Variants in CSMD3 observed in about 807,000 individuals in gnomAD.
CSMD3 encodes the protein CUB and Sushi multiple domains 3, also known as CUB and sushi domain-containing protein 3.
In CSMD3, 177 loss-of-function variants were observed where a neutral mutation model predicts 435.2. That is an observed-to-expected ratio of 0.41 (90% confidence interval 0.36 to 0.46). The LOEUF (loss-of-function observed/expected upper bound fraction) is 0.46. Ranked by LOEUF, CSMD3 falls within the 20% of genes least tolerant of loss-of-function variation. The probability of loss-of-function intolerance (pLI) is 0.34; values close to 1 mark genes in which losing one functional copy is unlikely to be tolerated. For synonymous variants in CSMD3, 1,656 were observed against 1,520.5 expected (o/e 1.09, Z -2.07); for missense variants, 4,265 against 4,504.6 (o/e 0.95, Z 1.52).
At chr8:112,251,512 A>G (rs1411464254) in intron 63 of CSMD3, among the ~76,000 whole-genome samples, 1 of 151,554 alleles carries the variant, frequency 6.6e-6, no homozygotes, top group African/African-American at 2.4e-5. Context: ...ATTTTTTTTT[A>G]CTTTCAGAAT....
At chr8:112,257,765 G>C (rs1815949298) in intron 61 of CSMD3, among the ~76,000 whole-genome samples, 1 of 152,144 alleles carries the variant, frequency 6.6e-6, no homozygotes, top group East Asian at 1.9e-4. Context: ...TTTCTTCACA[G>C]AATTGGAAAA....
chr8:112,798,411 G>A (rs2078878930), intron 13 of CSMD3, among the ~76,000 whole-genome samples: 1 of 151,828 alleles, frequency 6.6e-6, no homozygotes, highest in Non-Finnish European at 1.5e-5. Flanking sequence ...TTCTGATGCT[G>A]GAAGATTATC....
intron 13 of CSMD3, among the ~76,000 whole-genome samples, chr8:112,787,726 G>A (rs1587294758): frequency 6.6e-6 from 1 of 152,082 alleles, no homozygotes; most frequent in East Asian, 1.9e-4. Context: ...ATTTGTGGAA[G>A]CTAAAAATTG....
At chr8:112,443,700 CA>C (rs1169246857) in intron 32 of CSMD3, among the ~76,000 whole-genome samples, 1 of 151,910 alleles carries the variant, frequency 6.6e-6, no homozygotes, top group Non-Finnish European at 1.5e-5. Context: ...TAAAGTCAGC[CA>C]TATTGATTTC....
intron 68 of CSMD3, among the ~76,000 whole-genome samples, chr8:112,234,120 T>G (rs1813343793): frequency 6.7e-6 from 1 of 149,758 alleles, no homozygotes; most frequent in African/African-American, 2.5e-5. Flanking sequence ...CATCCACCCA[T>G]ACCCTCCCCC....
chr8:112,720,492 C>A (rs1226455270), intron 13 of CSMD3, among the ~76,000 whole-genome samples: 1 of 152,134 alleles, frequency 6.6e-6, no homozygotes, highest in African/African-American at 2.4e-5. Flanking sequence ...AGTTCACCTA[C>A]AAAATGCTCG....
At chr8:112,384,247 A>C (rs916195948) in intron 36 of CSMD3, among the ~76,000 whole-genome samples, 7 of 152,216 alleles carry the variant, frequency 4.6e-5, no homozygotes, top group Non-Finnish European at 8.8e-5. Context: ...TGACACAAAA[A>C]AATGATATTT....
intron 8 of CSMD3, among the ~76,000 whole-genome samples, chr8:112,948,631 G>A (rs2083696157): frequency 6.6e-6 from 1 of 151,884 alleles, no homozygotes; most frequent in Non-Finnish European, 1.5e-5. Flanking sequence ...ATATCTGAGT[G>A]ATATTGTTTA....
At chr8:112,899,538 A>T (rs918783243) in intron 10 of CSMD3, among the ~76,000 whole-genome samples, 1 of 143,186 alleles carries the variant, frequency 7.0e-6, no homozygotes, top group African/African-American at 2.5e-5. Context: ...ATAGAAATAT[A>T]CTATATATAT....
At chr8:112,518,290 C>T (rs371803696) in intron 27 of CSMD3, among the ~76,000 whole-genome samples, 56 of 151,658 alleles carry the variant, frequency 3.7e-4, no homozygotes, top group African/African-American at 1.3e-3. Context: ...TTCTAAATCC[C>T]AGGAGTTTGA....
At position 112,686,080 on chromosome 8, in the gene CSMD3, C is replaced by A. The variant is rs541282985; in HGVS notation, c.2156-348G>T. ...AGTTCCCATAGAAAGCAATAAGGTT[C>A]TTGAAATGATTGAAGACAAAAAATA... On this transcript the variant is annotated intron_variant, in intron 14 of 70. Transcript: ENST00000297405. 1.0e-3 allele frequency among the ~76,000 whole-genome samples: 156 copies of A among 152,156 alleles called. 1 individual carries two copies. The highest frequency in any genetic ancestry group is 1.7e-3 in the Non-Finnish European group (116 of 67,982).
rs1041715144 is a variant in CSMD3, at chr8:113,148,264, A to G, written c.709+25458T>C. Among the ~76,000 whole-genome samples, 5 of 151,744 alleles carry G rather than the reference A, an allele frequency of 3.3e-5. No individual in the cohort carries two copies. In the East Asian group the frequency reaches 9.8e-4, roughly 30 times the overall value. On this transcript the variant is annotated intron_variant, in intron 4 of 70. Coordinates refer to ENST00000297405, the MANE Select transcript of CSMD3 (RefSeq NM_198123.2). ...CACATCTTTATTCCATCTGCTTAAA[A>G]TGCTCTCTTTATGACCCTACCTCCC...
chr8:112,625,240 T>C (rs1198702583), intron 22 of CSMD3, among the ~76,000 whole-genome samples: 1 of 152,100 alleles, frequency 6.6e-6, no homozygotes, highest in African/African-American at 2.4e-5. Context: ...TAACCTACTT[T>C]ACCTTTTATA....
intron 7 of CSMD3, among the ~76,000 whole-genome samples, chr8:112,970,065 C>T (rs879619222): frequency 1.2e-4 from 18 of 151,882 alleles, no homozygotes; most frequent in Non-Finnish European, 2.5e-4. Context: ...CAGTTTCTGC[C>T]AGTCCATAAT....
chr8:112,489,985 T>C lies in CSMD3; in HGVS notation c.5278+2504A>G, dbSNP rs1045690190. 2.6e-5 allele frequency among the ~76,000 whole-genome samples: 4 copies of C among 152,278 alleles called. No individual in the cohort carries two copies. The East Asian group carries it at 7.7e-4, about 29-fold the overall frequency. ...GTGTGTATTCACATCATAATATAGA[T>C]AAATTATTTTTAATTAATATTAAAA... On this transcript the variant is annotated intron_variant, in intron 31 of 70. Transcript: ENST00000297405.
chr8:112,561,056 C>T (rs1201050696), intron 24 of CSMD3, among the ~76,000 whole-genome samples: 1 of 151,582 alleles, frequency 6.6e-6, no homozygotes, highest in African/African-American at 2.4e-5. Context: ...TAATATTTTG[C>T]ATTGTAGCTG....
At chr8:113,425,777 A>G (rs1232701495) in intron 1 of CSMD3, among the ~76,000 whole-genome samples, 2 of 151,616 alleles carry the variant, frequency 1.3e-5, no homozygotes, top group African/African-American at 4.8e-5. Context: ...AATTCAATAC[A>G]GGTAATTATG....
At position 112,502,194 on chromosome 8, in the gene CSMD3, T is replaced by A. The variant is rs534452614; in HGVS notation, c.5083+1596A>T. Reference sequence around the variant, plus strand: ...AGAGTGGTGTTGTGGTCAAGCTCACTCTCTCTAAAAGAGTTTCGAACCCAT... The same window carrying A: ...AGAGTGGTGTTGTGGTCAAGCTCACACTCTCTAAAAGAGTTTCGAACCCAT... On this transcript the variant is annotated intron_variant, in intron 30 of 70. Coordinates refer to ENST00000297405, the MANE Select transcript of CSMD3 (RefSeq NM_198123.2). Among the ~76,000 whole-genome samples the A allele has an allele frequency of 2.9e-4, 44 of 152,228 alleles. 1 individual carries two copies. In the South Asian group the frequency reaches 8.7e-3, roughly 30 times the overall value.
intron 27 of CSMD3, among the ~76,000 whole-genome samples, chr8:112,532,802 T>G (rs1024579561): frequency 2.0e-5 from 3 of 152,118 alleles, no homozygotes; most frequent in Non-Finnish European, 4.4e-5. Context: ...ATTCAGAATA[T>G]TCTAATACTG....
Sources: gnomAD v4.1 joint callset for allele counts (sites outside exome capture counted in the v4.1 genomes callset) on GRCh38, gnomAD v4.1.1 for gene constraint, MANE v1.5 for transcripts, NCBI Gene and HGNC (gene_info 2026-07-23, HGNC 2026-07-21) for gene names.